The following NKAIN3 variants were observed in gnomAD, a reference collection of about 807,000 sequenced individuals.
The protein encoded by NKAIN3 is sodium/potassium-transporting ATPase subunit beta-1-interacting protein 3.
NKAIN3 carries 25 observed loss-of-function variants against 30.2 expected under a neutral mutation model. The ratio of observed to expected loss-of-function variants is 0.83; its 90% CI spans 0.60 to 1.16. The LOEUF (loss-of-function observed/expected upper bound fraction) is 1.16, where lower values mean the gene tolerates loss of function less well. Among genes scored for constraint, NKAIN3 ranks in the 50% most tolerant of loss-of-function variants. NKAIN3 has a pLI of 0.00. For synonymous variants in NKAIN3, 91 were observed against 89.6 expected, an observed-to-expected ratio of 1.02 and a Z score of -0.09; for missense variants, 225 against 254.1, an observed-to-expected ratio of 0.89 and a Z score of 0.78.
intron 1 of NKAIN3, among the ~76,000 whole-genome samples, chr8:62,510,352 C>T (rs563229535): frequency 6.6e-6 from 1 of 152,208 alleles, no homozygotes; most frequent in South Asian, 2.1e-4. Flanking sequence ...GACTGACCAC[C>T]ACCTTCATTC....
At chr8:62,885,006 G>A (rs1477240494) in intron 4 of NKAIN3, among the ~76,000 whole-genome samples, 1 of 151,156 alleles carries the variant, frequency 6.6e-6, no homozygotes, top group East Asian at 1.9e-4. Flanking sequence ...AATTTTTATT[G>A]TTTCTTTTCT....
At chr8:62,894,878 G>A (rs1821387939) in intron 4 of NKAIN3, among the ~76,000 whole-genome samples, 1 of 152,090 alleles carries the variant, frequency 6.6e-6, no homozygotes, top group Admixed American at 6.5e-5. Context: ...ATAATTGCTA[G>A]AGTGAAATCT....
intron 1 of NKAIN3, among the ~76,000 whole-genome samples, chr8:62,493,676 T>G (rs1197813535): frequency 1.3e-5 from 2 of 152,186 alleles, no homozygotes; most frequent in African/African-American, 4.8e-5. Context: ...TTTTCATTTG[T>G]TTGTGTCATC....
At chr8:62,277,588 A>G (rs749733586) in intron 1 of NKAIN3, among the ~76,000 whole-genome samples, 4 of 152,128 alleles carry the variant, frequency 2.6e-5, no homozygotes, top group Non-Finnish European at 4.4e-5. Context: ...AAACTGTCTA[A>G]TATGTAGTCA....
At chr8:62,499,855 C>G (rs1807367312) in intron 1 of NKAIN3, among the ~76,000 whole-genome samples, 1 of 151,702 alleles carries the variant, frequency 6.6e-6, no homozygotes, top group Non-Finnish European at 1.5e-5. Flanking sequence ...TCCTTCTTCT[C>G]TCTTTCTTTT....
intron 3 of NKAIN3, among the ~76,000 whole-genome samples, chr8:62,733,038 T>A (rs1209150697): frequency 6.6e-6 from 1 of 152,126 alleles, no homozygotes; most frequent in Admixed American, 6.5e-5. Flanking sequence ...CATTATATTT[T>A]AAATTTTTCA....
chr8:62,469,295 C>T (rs987101502), intron 1 of NKAIN3, among the ~76,000 whole-genome samples: 8 of 152,084 alleles, frequency 5.3e-5, no homozygotes, highest in Non-Finnish European at 8.8e-5. Context: ...TAGGCAATAC[C>T]TGGGATTATC....
At chr8:62,919,202 T>TTA (rs1822197518) in intron 5 of NKAIN3, among the ~76,000 whole-genome samples, 1 of 146,368 alleles carries the variant, frequency 6.8e-6, no homozygotes, top group Non-Finnish European at 1.5e-5. Flanking sequence ...TGTTAGGGAC[T>TTA]CACTTTTTTT....
chr8:62,773,384 C>G (rs1817085519), intron 4 of NKAIN3, among the ~76,000 whole-genome samples: 1 of 152,082 alleles, frequency 6.6e-6, no homozygotes, highest in African/African-American at 2.4e-5. Context: ...TAGATTTAAT[C>G]CTGGGTTCTC....
At chr8:62,251,299 A>C (rs1812092994) in intron 1 of NKAIN3, among the ~76,000 whole-genome samples, 2 of 152,140 alleles carry the variant, frequency 1.3e-5, no homozygotes, top group Non-Finnish European at 2.9e-5. Flanking sequence ...TGTATATATT[A>C]CATTATAATA....
At chr8:62,316,494 G>C (rs1185212994) in intron 1 of NKAIN3, among the ~76,000 whole-genome samples, 2 of 148,378 alleles carry the variant, frequency 1.3e-5, no homozygotes, top group East Asian at 4.0e-4. Context: ...TGTTCTCATT[G>C]TTCAATTCCC....
At chr8:62,573,791 G>A (rs1810021090) in intron 1 of NKAIN3, among the ~76,000 whole-genome samples, 1 of 151,972 alleles carries the variant, frequency 6.6e-6, no homozygotes, top group South Asian at 2.1e-4. Flanking sequence ...GGGTACATGT[G>A]ATTTTATGAT....
intron 3 of NKAIN3, among the ~76,000 whole-genome samples, chr8:62,717,887 G>A (rs141649156): frequency 2.0e-3 from 308 of 152,240 alleles, no homozygotes; most frequent in Non-Finnish European, 3.4e-3. Context: ...CACTTGGTTA[G>A]TATGGTGTAT....
intron 1 of NKAIN3, among the ~76,000 whole-genome samples, chr8:62,297,421 C>T (rs553351399): frequency 1.3e-5 from 2 of 152,202 alleles, no homozygotes; most frequent in South Asian, 4.1e-4. Flanking sequence ...GCAACCTACT[C>T]ATCTGACAAA....
At chr8:62,373,100 A>T (rs1816958910) in intron 1 of NKAIN3, among the ~76,000 whole-genome samples, 1 of 152,148 alleles carries the variant, frequency 6.6e-6, no homozygotes, top group African/African-American at 2.4e-5. Flanking sequence ...CACTAGAAAG[A>T]GAGGCATTAT....
At chr8:62,571,956 C>A (rs1175303161) in intron 1 of NKAIN3, among the ~76,000 whole-genome samples, 1 of 152,178 alleles carries the variant, frequency 6.6e-6, no homozygotes, top group Non-Finnish European at 1.5e-5. Flanking sequence ...AGACCTCTGA[C>A]ATGCCCTGGA....
chr8:62,412,436 C>T (rs931646390), intron 1 of NKAIN3, among the ~76,000 whole-genome samples: 3 of 151,930 alleles, frequency 2.0e-5, no homozygotes, highest in Non-Finnish European at 4.4e-5. Context: ...AAAATTAACT[C>T]GAAATGGATC....
rs538755264 is a variant in NKAIN3, at chr8:62,582,097, G to C, written c.192+2421G>C. Among the ~76,000 whole-genome samples the C allele has an allele frequency of 1.9e-4, 24 of 124,632 alleles. No homozygotes were observed. In the South Asian group the frequency reaches 6.3e-3, roughly 32 times the overall value. The allele number at this position is 124,632 out of a possible 152,430, so 81.8% of individuals were successfully genotyped here. Reference sequence around the variant, plus strand: ...CCTCCCTCTCTCCCTCCCTCCTTCTGTCTTTCCTTCCTTCTTTCCTTTTTC... The same window carrying C: ...CCTCCCTCTCTCCCTCCCTCCTTCTCTCTTTCCTTCCTTCTTTCCTTTTTC... On this transcript the variant is annotated intron_variant, in intron 2 of 6. Coordinates refer to ENST00000623646, the MANE Select transcript of NKAIN3 (RefSeq NM_001304533.3).
intron 1 of NKAIN3, among the ~76,000 whole-genome samples, chr8:62,375,186 T>G (rs1211354687): frequency 6.6e-6 from 1 of 152,222 alleles, no homozygotes; most frequent in East Asian, 1.9e-4. Flanking sequence ...GCATGCCATT[T>G]AAACTCAGAG....
Sources: allele counts gnomAD v4.1 joint callset (sites outside exome capture counted in the v4.1 genomes callset), GRCh38; gene constraint gnomAD v4.1.1; transcripts MANE v1.5; gene names NCBI Gene and HGNC (gene_info 2026-07-23, HGNC 2026-07-21).